BBS5: variants seen among roughly 807,000 people sequenced by gnomAD.
BBS5 encodes Bardet-Biedl syndrome 5.
BBS5 carries 39 observed loss-of-function variants against 50.2 expected under a neutral mutation model. The ratio of observed to expected loss-of-function variants is 0.78; its 90% confidence interval spans 0.60 to 1.01. The LOEUF (loss-of-function observed/expected upper bound fraction) is 1.01, where lower values mean the gene tolerates loss of function less well. BBS5 is among the 50% of genes least tolerant of loss of function. The probability of loss-of-function intolerance (pLI) is 0.00; values close to 1 mark genes in which losing one functional copy is unlikely to be tolerated. For missense variants in BBS5, 356 were observed against 401.5 expected, an observed-to-expected ratio of 0.89 and a Z score of 0.97; for synonymous variants, 134 against 133.1, an observed-to-expected ratio of 1.01 and a Z score of -0.05.
intron 7 of BBS5, among the ~76,000 whole-genome samples, chr2:169,495,486 C>T (rs945825868): frequency 1.3e-5 from 2 of 152,170 alleles, no homozygotes; most frequent in Non-Finnish European, 1.5e-5. Context: ...CACAGTCTGT[C>T]ACTGCGGCAG....
chr2:169,499,212 G>C, intron 8 of BBS5: 1 of 387,052 alleles, frequency 2.6e-6, no homozygotes, highest in East Asian at 5.1e-5. Flanking sequence ...TGCGTTGGGG[G>C]AATGGTGTTC....
chr2:169,487,266 C>T lies in BBS5; in HGVS notation c.208+132C>T, dbSNP rs1476477150. The T allele has an allele frequency of 7.4e-6, 5 of 676,202 alleles. No homozygotes were observed. The East Asian group carries it at 1.3e-4, about 18-fold the overall frequency. 41.9% of individuals were successfully genotyped at this position (676,202 alleles called of 1,614,324 possible). On this transcript the variant is annotated intron_variant, in intron 3 of 11. Coordinates refer to ENST00000295240, the MANE Select transcript of BBS5 (RefSeq NM_152384.3). ...AAAAACCTTCAGAAATCCTAGACATCATAATGCAAACAAAATTATCCATTA... is the reference window on the plus strand; with the variant it reads ...AAAAACCTTCAGAAATCCTAGACATTATAATGCAAACAAAATTATCCATTA...
At chr2:169,499,687 A>G in intron 9 of BBS5, 67 bp downstream of exon 9, 6 of 1,473,368 alleles carry the variant, frequency 4.1e-6, no homozygotes, top group Non-Finnish European at 5.7e-6. Context: ...TCAGATGTAG[A>G]TACCACTGTG....
chr2:169,489,676 T>C (rs2105295803), intron 5 of BBS5, among the ~76,000 whole-genome samples: 1 of 151,288 alleles, frequency 6.6e-6, no homozygotes, highest in East Asian at 2.0e-4. Context: ...CGGCTTTTTT[T>C]CTTTTTTAAA....
chr2:169,489,851 C>CTTTTTTTTTTTT (rs71003093), intron 5 of BBS5, among the ~76,000 whole-genome samples: 5 of 65,898 alleles, frequency 7.6e-5, no homozygotes, highest in Admixed American at 1.7e-4. Context: ...CATAAATTTC[C>CTTTTTTTTTTTT]TTTTTTTTTT....
chr2:169,489,888 T>C (rs1213797561), intron 5 of BBS5, among the ~76,000 whole-genome samples: 3 of 90,848 alleles, frequency 3.3e-5, no homozygotes, highest in Non-Finnish European at 6.4e-5. Flanking sequence ...TTTTTTTTTT[T>C]TTTTAGAGAC....
chr2:169,480,662 CT>C (rs1316569045), intron 1 of BBS5, among the ~76,000 whole-genome samples: 1 of 123,992 alleles, frequency 8.1e-6, no homozygotes, highest in African/African-American at 2.9e-5. Flanking sequence ...ATGACATTTT[CT>C]GTCATTCTTT....
rs1178934455 is a variant in BBS5, at chr2:169,503,028, G to A, written c.817-67G>A. 6 of 1,107,788 alleles carry A rather than the reference G, an allele frequency of 5.4e-6. No homozygotes were observed. In the East Asian group the frequency reaches 9.7e-5, roughly 18 times the overall value. 68.6% of individuals were successfully genotyped at this position (1,107,788 alleles called of 1,614,324 possible). A position where few individuals can be genotyped will look rare whatever the true frequency, so the allele number is the denominator to read the frequency against. On this transcript the variant is annotated intron_variant, in intron 9 of 11. Transcript: ENST00000295240. ...GTAGTTTGTAATTGTTATTTTAACA[G>A]TATTTGCAGTTCTCATGGTACATTT...
intron 5 of BBS5, 115 bp from the exon 6 acceptor site, chr2:169,492,759 T>C (rs1192289204): frequency 5.6e-5 from 52 of 930,648 alleles, no homozygotes; most frequent in Non-Finnish European, 7.9e-5. Context: ...AAATGTATCA[T>C]AATTATTTGA....
chr2:169,483,408 G>A (rs115670620), intron 2 of BBS5, among the ~76,000 whole-genome samples: 14,929 of 151,930 alleles, frequency 0.098, 946 homozygotes, highest in Middle Eastern at 0.2. Context: ...CACCTGTCTC[G>A]GCCTCCCAAA....
chr2:169,495,439 A>G (rs951121580), intron 7 of BBS5, among the ~76,000 whole-genome samples: 1 of 152,204 alleles, frequency 6.6e-6, no homozygotes, highest in African/African-American at 2.4e-5. Context: ...TCTGGAATTA[A>G]TTCAAGTGGC....
chr2:169,481,797 G>A (rs1319047032), intron 1 of BBS5, among the ~76,000 whole-genome samples: 1 of 152,050 alleles, frequency 6.6e-6, no homozygotes, highest in Non-Finnish European at 1.5e-5. Flanking sequence ...AACCTTTGGA[G>A]GTTCTCTCCT....
intron 5 of BBS5, among the ~76,000 whole-genome samples, chr2:169,490,409 G>A (rs997134096): frequency 6.6e-6 from 1 of 151,756 alleles, no homozygotes; most frequent in Non-Finnish European, 1.5e-5. Context: ...ATAGAGACGG[G>A]GTTTCACTGT....
intron 10 of BBS5, 32 bp downstream of exon 10, chr2:169,503,210 T>G (rs763244663): frequency 5.1e-5 from 77 of 1,521,558 alleles, no homozygotes; most frequent in Non-Finnish European, 6.7e-5. Flanking sequence ...ATTAAATTTC[T>G]TAAGGATTTT....
chr2:169,506,179 G>A lies in BBS5; in HGVS notation c.*1597G>A, dbSNP rs577694102. The A allele has an allele frequency of 1.3e-5, 2 of 152,194 alleles. No individual in the cohort carries two copies. Among genetic ancestry groups the A allele is most frequent in the Admixed American group, 6.6e-5 (1 of 15,102 alleles). 9.4% of individuals were successfully genotyped at this position (152,194 alleles called of 1,614,324 possible). On this transcript the variant is annotated 3_prime_UTR_variant, in exon 12 of 12. Transcript: ENST00000295240. Reference sequence around the variant, plus strand: ...AGCCGCCCGGTCCGGGAGGGAGGTGGGGGGGTCAGCCCCCCGCCCGGCCAG... The same window carrying A: ...AGCCGCCCGGTCCGGGAGGGAGGTGAGGGGGTCAGCCCCCCGCCCGGCCAG...
intron 5 of BBS5, among the ~76,000 whole-genome samples, chr2:169,489,093 A>G (rs1683538037): frequency 6.6e-6 from 1 of 152,018 alleles, no homozygotes; most frequent in Non-Finnish European, 1.5e-5. Flanking sequence ...CTGAGCTCAA[A>G]TGATCTTCCT....
rs1230364630 is a variant in BBS5 at position 169,482,330 on chromosome 2, A to G, written c.139A>G (p.Arg47Gly). ...AGACACCAAAGGAAATAATGGAGATAGAGGTGAGTATATTTTTAAATGTAT... is the reference window on the plus strand; with the variant it reads ...AGACACCAAAGGAAATAATGGAGATGGAGGTGAGTATATTTTTAAATGTAT... ...IEDTKGNNGD[R>G]GRLLVTNLRI... The change falls in exon 2 of 12, where the codon AGA (arginine) becomes GGA (glycine). Residue 47 changes from arginine (R) to glycine (G), a missense_variant. Physicochemically the swap from Arg to Gly is moderately radical, Grantham distance 125. Transcript: ENST00000295240. 6.4e-7 allele frequency: 1 copy of G among 1,553,248 alleles called. No individual in the cohort carries two copies. Among genetic ancestry groups the G allele is most frequent in the Non-Finnish European group, 8.9e-7 (1 of 1,124,862 alleles).
At chr2:169,501,550 A>G (rs1041502325) in intron 9 of BBS5, among the ~76,000 whole-genome samples, 1 of 152,088 alleles carries the variant, frequency 6.6e-6, no homozygotes, top group African/African-American at 2.4e-5. Flanking sequence ...ATAATAAGAC[A>G]ACATAGTGAC....
intron 5 of BBS5, among the ~76,000 whole-genome samples, chr2:169,490,699 CA>C (rs1409949129): frequency 6.6e-6 from 1 of 152,060 alleles, no homozygotes; most frequent in African/African-American, 2.4e-5. Context: ...TTAAAGTATA[CA>C]GTTCAATAGT....
Sources: gnomAD v4.1 joint callset for allele counts (sites outside exome capture counted in the v4.1 genomes callset) on GRCh38, gnomAD v4.1.1 for gene constraint, MANE v1.5 for transcripts, NCBI Gene and HGNC (gene_info 2026-07-23, HGNC 2026-07-21) for gene names.